Variants in NAALADL2 observed in about 807,000 individuals in gnomAD.
NAALADL2 encodes the protein N-acetylated alpha-linked acidic dipeptidase like 2, also known as inactive N-acetylated-alpha-linked acidic dipeptidase-like protein 2.
NAALADL2 carries 76 observed loss-of-function variants against 87.2 expected under a neutral mutation model. The observed-to-expected ratio is 0.87, with a 90% CI of 0.72 to 1.05. NAALADL2 has a LOEUF of 1.05. Among genes scored for constraint, NAALADL2 ranks in the 50% least tolerant of loss-of-function variants. The pLI, the probability that NAALADL2 is intolerant of heterozygous loss-of-function variation, is 0.00. For synonymous variants in NAALADL2, 354 were observed against 331.0 expected, an observed-to-expected ratio of 1.07 and a Z score of -0.75; for missense variants, 1,089 against 945.8, an observed-to-expected ratio of 1.15 and a Z score of -1.99.
intron 2 of NAALADL2, among the ~76,000 whole-genome samples, chr3:174,606,746 G>A (rs1194101277): frequency 1.3e-5 from 2 of 152,266 alleles, no homozygotes; most frequent in Non-Finnish European, 2.9e-5. Flanking sequence ...AAAACCCTCT[G>A]CAGGATATTA....
At chr3:175,181,450 T>A (rs1736454638) in intron 2 of NAALADL2, among the ~76,000 whole-genome samples, 1 of 151,692 alleles carries the variant, frequency 6.6e-6, no homozygotes, top group South Asian at 2.1e-4. Flanking sequence ...CTTTGCACCC[T>A]TTGATCGACA....
chr3:175,367,445 G>T (rs1430094581), intron 5 of NAALADL2, among the ~76,000 whole-genome samples: 3 of 151,874 alleles, frequency 2.0e-5, no homozygotes. Flanking sequence ...TAAATTACCT[G>T]GGGCAATACG....
chr3:175,774,230 A>G (rs958353940), intron 13 of NAALADL2, among the ~76,000 whole-genome samples: 18 of 152,098 alleles, frequency 1.2e-4, no homozygotes, highest in Non-Finnish European at 2.5e-4. Context: ...TAACAAGACT[A>G]TAAGATATTT....
chr3:174,692,350 G>A (rs1429032505), intron 2 of NAALADL2, among the ~76,000 whole-genome samples: 2 of 152,154 alleles, frequency 1.3e-5, no homozygotes, highest in Non-Finnish European at 2.9e-5. Flanking sequence ...CGCATAATGA[G>A]CTCAGGAGGG....
intron 2 of NAALADL2, among the ~76,000 whole-genome samples, chr3:175,206,995 CTG>C (rs1481866027): frequency 2.6e-5 from 4 of 152,070 alleles, no homozygotes; most frequent in Non-Finnish European, 5.9e-5. Flanking sequence ...CACACATACA[CTG>C]GAGATACACA....
chr3:174,709,875 C>G (rs1288763516), intron 2 of NAALADL2, among the ~76,000 whole-genome samples: 1 of 152,110 alleles, frequency 6.6e-6, no homozygotes, highest in Non-Finnish European at 1.5e-5. Context: ...GAAATTTGTT[C>G]CTTTTTGTAA....
chr3:175,006,007 C>T (rs1207791874), intron 1 of NAALADL2, among the ~76,000 whole-genome samples: 2 of 152,268 alleles, frequency 1.3e-5, no homozygotes, highest in South Asian at 4.1e-4. Flanking sequence ...TTACGATGTG[C>T]GCGGTAACAG....
intron 2 of NAALADL2, among the ~76,000 whole-genome samples, chr3:174,659,296 T>G (rs1351938443): frequency 6.6e-6 from 1 of 152,204 alleles, no homozygotes; most frequent in Non-Finnish European, 1.5e-5. Flanking sequence ...TTAATATAAC[T>G]TAGAAGCAAA....
intron 7 of NAALADL2, among the ~76,000 whole-genome samples, chr3:175,464,272 T>C (rs1360297388): frequency 2.0e-5 from 3 of 152,006 alleles, no homozygotes; most frequent in Non-Finnish European, 4.4e-5. Flanking sequence ...CTGCATGGCT[T>C]TAGGTTTTCA....
chr3:174,863,507 TGTATG>T (rs1296209625), intron 1 of NAALADL2, among the ~76,000 whole-genome samples: 1 of 151,928 alleles, frequency 6.6e-6, no homozygotes. Flanking sequence ...CATAGGCACA[TGTATG>T]GAATGTTTCT....
chr3:174,994,400 T>G (rs1457824037), intron 1 of NAALADL2, among the ~76,000 whole-genome samples: 1 of 152,180 alleles, frequency 6.6e-6, no homozygotes. Flanking sequence ...TTTCAAATCT[T>G]TAAACATTCT....
chr3:175,179,754 T>C (rs1736195730), intron 2 of NAALADL2, among the ~76,000 whole-genome samples: 1 of 152,020 alleles, frequency 6.6e-6, no homozygotes, highest in Admixed American at 6.6e-5. Flanking sequence ...TTACATTTTC[T>C]ATTTTTATAT....
chr3:175,421,863 G>C (rs1255098448), intron 5 of NAALADL2, among the ~76,000 whole-genome samples: 1 of 152,036 alleles, frequency 6.6e-6, no homozygotes, highest in Non-Finnish European at 1.5e-5. Flanking sequence ...GACAACTGAA[G>C]GAAATGAATG....
chr3:175,619,547 G>GA (rs1427760901), intron 10 of NAALADL2, among the ~76,000 whole-genome samples: 2 of 151,446 alleles, frequency 1.3e-5, no homozygotes, highest in Non-Finnish European at 2.9e-5. Context: ...TATGCTAATG[G>GA]ATTTTTTCAA....
At chr3:174,879,593 A>G (rs931626239) in intron 1 of NAALADL2, among the ~76,000 whole-genome samples, 1 of 152,084 alleles carries the variant, frequency 6.6e-6, no homozygotes, top group African/African-American at 2.4e-5. Context: ...TACATAGAAA[A>G]ATATATTTTG....
At chr3:175,398,344 C>CTTTTTTTTTTTTTTTTTTTTTTTTT (rs776575751) in intron 5 of NAALADL2, among the ~76,000 whole-genome samples, 1 of 112,090 alleles carries the variant, frequency 8.9e-6, no homozygotes, top group Non-Finnish European at 1.8e-5. Flanking sequence ...GCTTCTGCTA[C>CTTTTTTTTTTTTTTTTTTTTTTTTT]TTTTTTTTTT....
At position 174,885,307 on chromosome 3, in the gene NAALADL2, T is replaced by A. The variant is rs535329950; in HGVS notation, c.43+25857T>A. ...TCTTTGTCTGTAGGAGATAAGACTC[T>A]CATTCAGGGCAATTTTAGCAGATTT... On this transcript the variant is annotated intron_variant, in intron 1 of 13. Transcript: ENST00000454872. Among the ~76,000 whole-genome samples, 3 of 152,274 alleles carry A rather than the reference T, an allele frequency of 2.0e-5. No homozygotes were observed. In the East Asian group the frequency reaches 5.8e-4, roughly 29 times the overall value.
intron 5 of NAALADL2, among the ~76,000 whole-genome samples, chr3:175,328,814 C>G (rs1214327707): frequency 6.6e-6 from 1 of 151,518 alleles, no homozygotes; most frequent in Admixed American, 6.6e-5. Flanking sequence ...GGGTAAGACC[C>G]AAAACAAACA....
chr3:175,563,488 A>C (rs1316586782), intron 9 of NAALADL2, among the ~76,000 whole-genome samples: 1 of 152,138 alleles, frequency 6.6e-6, no homozygotes, highest in Non-Finnish European at 1.5e-5. Flanking sequence ...GAGTCTAATT[A>C]TTTTCAGGTC....
Sources: allele counts gnomAD v4.1 joint callset (sites outside exome capture counted in the v4.1 genomes callset), GRCh38; gene constraint gnomAD v4.1.1; transcripts MANE v1.5; gene names NCBI Gene and HGNC (gene_info 2026-07-23, HGNC 2026-07-21).